The following HDX variants were observed in gnomAD, a reference collection of about 807,000 sequenced individuals.
The protein encoded by HDX is chromosome X open reading frame 43.
A neutral mutation model predicts 45.2 loss-of-function variants in HDX; 19 were observed. The observed-to-expected ratio is 0.42, with a 90% CI of 0.29 to 0.62. The LOEUF (loss-of-function observed/expected upper bound fraction) is 0.62, where lower values mean the gene tolerates loss of function less well. Ranked by LOEUF, HDX falls within the 20% of genes least tolerant of loss-of-function variation. The pLI is 0.20. For synonymous variants in HDX, 188 were observed against 172.8 expected, an observed-to-expected ratio of 1.09 and a Z score of -0.69; for missense variants, 532 against 493.9, an observed-to-expected ratio of 1.08 and a Z score of -0.73.
At chrX:84,396,486 G>A (rs1352436600) in intron 5 of HDX, among the ~76,000 whole-genome samples, 1 of 112,035 alleles carries the variant, frequency 8.9e-6, no homozygotes, top group Non-Finnish European at 1.9e-5. Context: ...ACCTGTGTTA[G>A]TGGATCTATG....
chrX:84,341,648 T>A (rs2037087702), intron 7 of HDX, among the ~76,000 whole-genome samples: 1 of 110,506 alleles, frequency 9.0e-6, no homozygotes, highest in South Asian at 3.9e-4. Context: ...CTTTTTCTAC[T>A]TAACTTCTAT....
At chrX:84,422,484 G>A (rs1185379918) in intron 5 of HDX, among the ~76,000 whole-genome samples, 1 of 109,895 alleles carries the variant, frequency 9.1e-6, no homozygotes, top group Non-Finnish European at 1.9e-5. Flanking sequence ...TGCAAAATTA[G>A]CATAAGAAAT....
At chrX:84,361,695 G>A (rs2037626880) in intron 5 of HDX, 83 bp from the exon 6 acceptor site, 1 of 720,765 alleles carries the variant, frequency 1.4e-6, no homozygotes, top group Non-Finnish European at 1.9e-6. Flanking sequence ...GAAGCATCAG[G>A]GTGAGATGTG....
intron 5 of HDX, among the ~76,000 whole-genome samples, chrX:84,383,606 A>G (rs1227276002): frequency 9.0e-6 from 1 of 111,447 alleles, no homozygotes; most frequent in Non-Finnish European, 1.9e-5. Flanking sequence ...TTCATTTTAG[A>G]TACAGGATGT....
At chrX:84,342,050 A>T (rs2037097235) in intron 7 of HDX, among the ~76,000 whole-genome samples, 1 of 111,051 alleles carries the variant, frequency 9.0e-6, no homozygotes, top group African/African-American at 3.3e-5. Context: ...TTTCTCACTT[A>T]ACTAAATCTT....
At chrX:84,496,930 G>A (rs1387641443) in intron 1 of HDX, among the ~76,000 whole-genome samples, 1 of 111,360 alleles carries the variant, frequency 9.0e-6, no homozygotes, top group Non-Finnish European at 1.9e-5. Flanking sequence ...GTCTTATCTG[G>A]AATTGTAATC....
intron 5 of HDX, among the ~76,000 whole-genome samples, chrX:84,419,711 A>G (rs917218790): frequency 1.8e-5 from 2 of 111,855 alleles, no homozygotes; most frequent in Non-Finnish European, 3.8e-5. Flanking sequence ...CTTAGGTGAT[A>G]CCCAATGCTG....
intron 5 of HDX, among the ~76,000 whole-genome samples, chrX:84,363,609 T>C (rs1368205219): frequency 8.9e-6 from 1 of 112,145 alleles, no homozygotes; most frequent in Non-Finnish European, 1.9e-5. Context: ...ACAATGCCTG[T>C]TAAGAAGCAT....
chrX:84,364,491 C>CT lies in HDX; in HGVS notation c.1306-2880dup, dbSNP rs1169466223. ...CAGCAGATCTCTAGAAGTTATTCACCTTTTTTTTTTTTTTTTTTTTTTTTT... is the reference window on the plus strand; with the variant it reads ...CAGCAGATCTCTAGAAGTTATTCACCTTTTTTTTTTTTTTTTTTTTTTTTTT... On this transcript the variant is annotated intron_variant, in intron 5 of 10. Transcript: ENST00000373177. 5.9e-3 allele frequency among the ~76,000 whole-genome samples: 284 copies of CT among 48,246 alleles called. 23 individuals carry two copies. Among genetic ancestry groups the CT allele is most frequent in the Middle Eastern group, 0.029 (2 of 68 alleles). The allele number at this position is 48,246 out of a possible 115,157, so 41.9% of individuals were successfully genotyped here.
At position 84,350,803 on chromosome X, in the gene HDX, T is replaced by C. The variant is rs759598013; in HGVS notation, c.1453-6346A>G. Among the ~76,000 whole-genome samples, 5 of 112,127 alleles carry C rather than the reference T, an allele frequency of 4.5e-5. No homozygotes were observed. In the South Asian group the frequency reaches 1.4e-3, roughly 32 times the overall value. On this transcript the variant is annotated intron_variant, in intron 6 of 10. Transcript: ENST00000373177. ...AAATTTCTGTATTTTAGTTTGTGAA[T>C]TTAGACCATTTAAATTTAATGCAAT... is the stretch of plus-strand genomic sequence containing the variant.
chrX:84,384,879 G>T (rs1339069159), intron 5 of HDX, among the ~76,000 whole-genome samples: 7 of 110,545 alleles, frequency 6.3e-5, no homozygotes, highest in African/African-American at 2.3e-4. Flanking sequence ...CTATTTCATT[G>T]GTCTGTGTGT....
intron 6 of HDX, among the ~76,000 whole-genome samples, chrX:84,360,458 A>G (rs2037593937): frequency 8.9e-6 from 1 of 112,046 alleles, no homozygotes; most frequent in African/African-American, 3.2e-5. Flanking sequence ...TTTAATATGT[A>G]CAATTAAAAT....
At chrX:84,381,550 C>A (rs186017424) in intron 5 of HDX, among the ~76,000 whole-genome samples, 5 of 111,235 alleles carry the variant, frequency 4.5e-5, no homozygotes, top group Non-Finnish European at 9.5e-5. Flanking sequence ...CCAATCCACA[C>A]ACCTGCAGTA....
chrX:84,406,934 GA>G (rs1323626312), intron 5 of HDX, among the ~76,000 whole-genome samples: 50 of 104,697 alleles, frequency 4.8e-4, no homozygotes, highest in South Asian at 1.7e-3. Flanking sequence ...TTGAGCGGGT[GA>G]AAAAAAAACA....
At chrX:84,396,992 G>A (rs933899741) in intron 5 of HDX, among the ~76,000 whole-genome samples, 1 of 112,178 alleles carries the variant, frequency 8.9e-6, no homozygotes, top group African/African-American at 3.2e-5. Context: ...TTGTCACTGG[G>A]AAGGGTGGGG....
intron 4 of HDX, among the ~76,000 whole-genome samples, chrX:84,442,038 G>T (rs1036697858): frequency 3.6e-5 from 4 of 110,878 alleles, no homozygotes; most frequent in African/African-American, 1.3e-4. Context: ...CATTTACAAA[G>T]ACAAAGTAGT....
intron 4 of HDX, among the ~76,000 whole-genome samples, chrX:84,448,321 CA>C (rs2148078725): frequency 9.0e-6 from 1 of 111,339 alleles, no homozygotes; most frequent in East Asian, 2.9e-4. Context: ...ACATGGCCAG[CA>C]CCTGAGGAAG....
chrX:84,429,454 T>C (rs942004106), intron 5 of HDX, among the ~76,000 whole-genome samples: 18 of 111,147 alleles, frequency 1.6e-4, no homozygotes, highest in African/African-American at 5.8e-4. Context: ...AATATGTTTT[T>C]AAAATTCAAT....
chrX:84,410,500 C>T (rs1015445839), intron 5 of HDX, among the ~76,000 whole-genome samples: 4 of 111,488 alleles, frequency 3.6e-5, no homozygotes, highest in African/African-American at 1.3e-4. Context: ...AATCTTGAAT[C>T]CCAGGAAGAA....
Sources: allele counts gnomAD v4.1 joint callset (sites outside exome capture counted in the v4.1 genomes callset), GRCh38; gene constraint gnomAD v4.1.1; transcripts MANE v1.5; gene names NCBI Gene and HGNC (gene_info 2026-07-23, HGNC 2026-07-21).